Variants in MAPK14 observed in about 807,000 individuals in gnomAD.
MAPK14 encodes the protein CSAID-binding protein.
MAPK14 carries 16 observed loss-of-function variants against 49.6 expected under a neutral mutation model. The ratio of observed to expected loss-of-function variants is 0.32; its 90% CI spans 0.22 to 0.49. The LOEUF is 0.49. MAPK14 is among the 20% of genes least tolerant of loss of function. MAPK14 has a pLI of 0.99. For synonymous variants in MAPK14, 142 were observed against 158.0 expected, an observed-to-expected ratio of 0.90 and a Z score of 0.76; for missense variants, 200 against 441.2, an observed-to-expected ratio of 0.45 and a Z score of 4.90.
intron 3 of MAPK14, among the ~76,000 whole-genome samples, chr6:36,071,747 A>G (rs1764283177): frequency 6.6e-6 from 1 of 152,238 alleles, no homozygotes; most frequent in Non-Finnish European, 1.5e-5. Flanking sequence ...ACTACAAGAT[A>G]CTTAATTATA....
chr6:36,098,318 C>G (rs947923171), intron 9 of MAPK14, among the ~76,000 whole-genome samples: 2 of 152,240 alleles, frequency 1.3e-5, no homozygotes, highest in African/African-American at 4.8e-5. Flanking sequence ...ACAGAGAATT[C>G]ATTTGGTTAA....
intron 8 of MAPK14, among the ~76,000 whole-genome samples, chr6:36,094,746 C>T (rs532253440): frequency 6.6e-6 from 1 of 152,310 alleles, no homozygotes; most frequent in South Asian, 2.1e-4. Flanking sequence ...AGAGTGGCCC[C>T]TGTCCTCGTA....
At position 36,094,436 on chromosome 6, in the gene MAPK14, T is replaced by C. The variant is rs1184565498; in HGVS notation, c.683-1551T>C. ...GCATGGCTGTGTTCTAATAAAACTT[T>C]ATATATAAAACAGGCAGAGCCTGGG... On this transcript the variant is annotated intron_variant, in intron 8 of 11. Transcript: ENST00000229794. Among the ~76,000 whole-genome samples the C allele has an allele frequency of 3.9e-5, 6 of 152,346 alleles. 1 individual carries two copies. The South Asian group carries it at 1.2e-3, about 32-fold the overall frequency.
chr6:36,034,902 T>C (rs1467260083), intron 1 of MAPK14, among the ~76,000 whole-genome samples: 171 of 147,860 alleles, frequency 1.2e-3, no homozygotes, highest in East Asian at 1.2e-3. Flanking sequence ...TCTTTCTTTT[T>C]TTTTTTTTTT....
intron 3 of MAPK14, among the ~76,000 whole-genome samples, chr6:36,061,204 G>A (rs76758079): frequency 0.026 from 3,918 of 152,264 alleles, 62 homozygotes; most frequent in Non-Finnish European, 0.041. Context: ...AAAATTTTAG[G>A]TATACTAAGG....
intron 11 of MAPK14, among the ~76,000 whole-genome samples, chr6:36,108,037 A>G (rs571222728): frequency 6.6e-6 from 1 of 152,340 alleles, no homozygotes; most frequent in East Asian, 1.9e-4. Flanking sequence ...TATTCTTTCC[A>G]CAAAACACAA....
chr6:36,076,466 C>T (rs751801522), intron 7 of MAPK14, 71 bp from the exon 8 acceptor site: 24 of 1,082,178 alleles, frequency 2.2e-5, no homozygotes, highest in Non-Finnish European at 3.0e-5. Flanking sequence ...CCCCTAGTTA[C>T]GGTTTCATTT....
intron 8 of MAPK14, chr6:36,076,813 T>C: frequency 2.3e-6 from 1 of 442,366 alleles, no homozygotes; most frequent in Non-Finnish European, 4.0e-6. Context: ...TTGGAAAAAT[T>C]CCTCATAAGT....
chr6:36,123,841 CAT>C, the MAPK14 span, among the ~76,000 whole-genome samples: 3 of 152,068 alleles, frequency 2.0e-5, no homozygotes, highest in African/African-American at 4.8e-5. Flanking sequence ...TGGAGGGTGA[CAT>C]GTGGGCTGGG....
At chr6:36,093,739 A>G (rs894531555) in intron 8 of MAPK14, among the ~76,000 whole-genome samples, 1 of 151,694 alleles carries the variant, frequency 6.6e-6, no homozygotes, top group African/African-American at 2.4e-5. Context: ...AAAAAAAAAA[A>G]AAAACAACTG....
In MAPK14 at chr6:36,095,843, A is replaced by G. The variant is rs1406536677; in HGVS notation, c.683-144A>G. On this transcript the variant is annotated intron_variant, in intron 8 of 11. Coordinates refer to ENST00000229794, the MANE Select transcript of MAPK14 (RefSeq NM_139012.3). ...GATCATCCTGCAGGAGCCTTGACCT[A>G]GAGGGATTCACCGTGTTGGCTAGGT... 1.3e-5 allele frequency: 8 copies of G among 601,816 alleles called. No homozygotes were observed. The East Asian group carries it at 2.2e-4, about 17-fold the overall frequency. 37.3% of individuals were successfully genotyped at this position (601,816 alleles called of 1,614,324 possible).
intron 1 of MAPK14, among the ~76,000 whole-genome samples, chr6:36,052,099 G>A (rs1227023036): frequency 2.0e-5 from 3 of 151,890 alleles, no homozygotes; most frequent in African/African-American, 7.3e-5. Context: ...TTATTATTCT[G>A]TTCTGCTCTT....
intron 10 of MAPK14, among the ~76,000 whole-genome samples, chr6:36,105,008 A>G (rs1486365249): frequency 6.6e-6 from 1 of 152,178 alleles, no homozygotes; most frequent in African/African-American, 2.4e-5. Context: ...AACGTGCCTT[A>G]CAGCCCATTG....
intron 8 of MAPK14, chr6:36,091,866 T>G (rs915938087): frequency 5.3e-5 from 9 of 170,144 alleles, no homozygotes; most frequent in African/African-American, 1.7e-4. Context: ...TTTTTCATTT[T>G]TTGCTGCTTT....
intron 10 of MAPK14, among the ~76,000 whole-genome samples, chr6:36,103,579 C>G (rs1485005860): frequency 6.6e-6 from 1 of 152,096 alleles, no homozygotes; most frequent in Non-Finnish European, 1.5e-5. Context: ...CTCATGCAGT[C>G]TGCCCACTTC....
At chr6:36,098,258 T>C (rs1321703201) in intron 9 of MAPK14, among the ~76,000 whole-genome samples, 2 of 152,148 alleles carry the variant, frequency 1.3e-5, no homozygotes, top group Non-Finnish European at 2.9e-5. Flanking sequence ...TAGAACCTAT[T>C]AGAATGAGCC....
intron 2 of MAPK14, among the ~76,000 whole-genome samples, chr6:36,057,925 A>G (rs1763649783): frequency 6.6e-6 from 1 of 152,154 alleles, no homozygotes; most frequent in South Asian, 2.1e-4. Context: ...ATTACAAATG[A>G]ATTATATATT....
At chr6:36,078,073 G>A (rs1404251524) in intron 8 of MAPK14, among the ~76,000 whole-genome samples, 2 of 152,178 alleles carry the variant, frequency 1.3e-5, no homozygotes, top group Non-Finnish European at 2.9e-5. Flanking sequence ...GTGGCAGAGA[G>A]GGAAAGGCAG....
At chr6:36,070,633 A>C (rs958889098) in intron 3 of MAPK14, among the ~76,000 whole-genome samples, 4 of 152,232 alleles carry the variant, frequency 2.6e-5, no homozygotes, top group Non-Finnish European at 5.9e-5. Flanking sequence ...GGCCGTATAA[A>C]CATGCAAGTT....
Sources: allele counts gnomAD v4.1 joint callset (sites outside exome capture counted in the v4.1 genomes callset), GRCh38; gene constraint gnomAD v4.1.1; transcripts MANE v1.5; gene names NCBI Gene and HGNC (gene_info 2026-07-23, HGNC 2026-07-21).